GPC5: variants seen among roughly 807,000 people sequenced by gnomAD.
GPC5 encodes glypican-5.
In GPC5, 47 loss-of-function variants were observed where a neutral mutation model predicts 53.9. That is an observed-to-expected ratio of 0.87 (90% CI 0.69 to 1.11). The LOEUF is 1.11. GPC5 is among the 50% of genes most tolerant of loss of function. The pLI is 0.00. For synonymous variants in GPC5, 286 were observed against 263.3 expected (o/e 1.09, Z -0.84); for missense variants, 748 against 713.1 (o/e 1.05, Z -0.56).
At chr13:92,070,340 A>G (rs763013562) in intron 6 of GPC5, among the ~76,000 whole-genome samples, 1 of 152,198 alleles carries the variant, frequency 6.6e-6, no homozygotes, top group Admixed American at 6.5e-5. Context: ...AATACAACAC[A>G]CTTTACAAGC....
At chr13:92,549,403 A>G (rs139608752) in intron 7 of GPC5, among the ~76,000 whole-genome samples, 436 of 152,198 alleles carry the variant, frequency 2.9e-3, no homozygotes, top group African/African-American at 9.7e-3. Flanking sequence ...GCTGAAGTTA[A>G]TAATTCACAT....
At chr13:92,796,987 A>G (rs2138782386) in intron 7 of GPC5, among the ~76,000 whole-genome samples, 1 of 152,088 alleles carries the variant, frequency 6.6e-6, no homozygotes, top group Admixed American at 6.6e-5. Context: ...CATGAACCCT[A>G]AGAAATAAAA....
intron 2 of GPC5, among the ~76,000 whole-genome samples, chr13:91,457,571 A>G (rs375905855): frequency 2.6e-5 from 4 of 152,120 alleles, no homozygotes; most frequent in Non-Finnish European, 4.4e-5. Flanking sequence ...CATAGGGACA[A>G]TGCACCCTGC....
chr13:91,708,951 T>C (rs992037481), intron 3 of GPC5, among the ~76,000 whole-genome samples: 13 of 152,350 alleles, frequency 8.5e-5, no homozygotes, highest in African/African-American at 3.1e-4. Context: ...AGTTCTCATA[T>C]ATCAAAGGTT....
At chr13:91,789,641 A>G (rs761772804) in intron 5 of GPC5, among the ~76,000 whole-genome samples, 6 of 152,226 alleles carry the variant, frequency 3.9e-5, no homozygotes, top group Non-Finnish European at 7.3e-5. Context: ...CTGACTTTCT[A>G]CTATACAGAC....
chr13:91,865,532 T>C (rs796143437), intron 5 of GPC5, among the ~76,000 whole-genome samples: 44 of 152,168 alleles, frequency 2.9e-4, no homozygotes, highest in African/African-American at 1.0e-3. Context: ...TTTAAGAAGG[T>C]CCTCTTAAAA....
chr13:92,624,262 G>T (rs935085061), intron 7 of GPC5, among the ~76,000 whole-genome samples: 1 of 152,000 alleles, frequency 6.6e-6, no homozygotes, highest in African/African-American at 2.4e-5. Context: ...TAGAGACGGG[G>T]TTTTGCCCTG....
chr13:91,435,979 G>A lies in GPC5; in HGVS notation c.164-12782G>A, dbSNP rs563630378. On this transcript the variant is annotated intron_variant, in intron 1 of 7. Transcript: ENST00000377067. The stretch of plus-strand genomic sequence containing the variant: ...GATTTTCTAGTTTATTTGCGTAGAG[G>A]TGTTTATAGTATTCTCTGATGGTAG... Among the ~76,000 whole-genome samples the A allele has an allele frequency of 1.4e-4, 22 of 152,098 alleles. 1 individual carries two copies. The highest frequency in any genetic ancestry group is 1.4e-3 in the Admixed American group (22 of 15,258).
intron 6 of GPC5, among the ~76,000 whole-genome samples, chr13:91,983,159 C>G (rs142507447): frequency 6.6e-6 from 1 of 151,948 alleles, no homozygotes; most frequent in East Asian, 1.9e-4. Context: ...TCCTGGCTAA[C>G]ACGGTGAAAC....
intron 6 of GPC5, among the ~76,000 whole-genome samples, chr13:92,056,603 A>G (rs187110597): frequency 2.0e-5 from 3 of 152,312 alleles, no homozygotes; most frequent in East Asian, 3.9e-4. Context: ...ATTTTCTTCA[A>G]TGTCTTTTTT....
chr13:91,403,920 A>G (rs990319366), intron 1 of GPC5, among the ~76,000 whole-genome samples: 3 of 152,216 alleles, frequency 2.0e-5, no homozygotes, highest in Admixed American at 1.3e-4. Flanking sequence ...TGCATCAACT[A>G]CAAATATTAT....
intron 7 of GPC5, among the ~76,000 whole-genome samples, chr13:92,485,623 T>A (rs1879523318): frequency 6.6e-6 from 1 of 152,204 alleles, no homozygotes; most frequent in Non-Finnish European, 1.5e-5. Context: ...AATTTCTAGA[T>A]GGTCATTCCA....
intron 7 of GPC5, among the ~76,000 whole-genome samples, chr13:92,804,563 A>G (rs1355225848): frequency 6.6e-6 from 1 of 152,066 alleles, no homozygotes; most frequent in African/African-American, 2.4e-5. Context: ...CTGAGTCATT[A>G]GGGAGTCATC....
intron 2 of GPC5, among the ~76,000 whole-genome samples, chr13:91,653,623 T>A (rs1046505399): frequency 2.6e-5 from 4 of 152,094 alleles, no homozygotes; most frequent in African/African-American, 7.2e-5. Context: ...ACATAATCAA[T>A]CAAAGAATCC....
At chr13:91,804,798 C>G (rs938675808) in intron 5 of GPC5, among the ~76,000 whole-genome samples, 4 of 152,112 alleles carry the variant, frequency 2.6e-5, no homozygotes, top group Admixed American at 6.6e-5. Flanking sequence ...AAAGACCTGC[C>G]CATTACAGTG....
chr13:92,650,304 A>G (rs974587884), intron 7 of GPC5, among the ~76,000 whole-genome samples: 8 of 152,126 alleles, frequency 5.3e-5, no homozygotes, highest in African/African-American at 1.9e-4. Context: ...TCCATTTGAT[A>G]TCTTACAAAT....
chr13:92,337,134 C>A (rs1325770039), intron 7 of GPC5, among the ~76,000 whole-genome samples: 2 of 151,566 alleles, frequency 1.3e-5, no homozygotes, highest in Non-Finnish European at 2.9e-5. Flanking sequence ...TCCTGTATAG[C>A]TCTAGTGAAC....
intron 7 of GPC5, among the ~76,000 whole-genome samples, chr13:92,541,071 G>T (rs1055221438): frequency 6.6e-6 from 1 of 151,836 alleles, no homozygotes; most frequent in Non-Finnish European, 1.5e-5. Flanking sequence ...TTATAATGAT[G>T]TTAATTTTAA....
At chr13:92,476,589 GC>G (rs1879140652) in intron 7 of GPC5, among the ~76,000 whole-genome samples, 1 of 150,328 alleles carries the variant, frequency 6.7e-6, no homozygotes, top group Non-Finnish European at 1.5e-5. Flanking sequence ...AAAGACACAT[GC>G]ACACGTATGT....
Sources: gnomAD v4.1 joint callset for allele counts (sites outside exome capture counted in the v4.1 genomes callset) on GRCh38, gnomAD v4.1.1 for gene constraint, MANE v1.5 for transcripts, NCBI Gene and HGNC (gene_info 2026-07-23, HGNC 2026-07-21) for gene names.